The following ITM2B variants were observed in gnomAD, a reference collection of about 807,000 sequenced individuals.
ITM2B encodes the protein integral membrane protein 2B.
ITM2B carries 11 observed loss-of-function variants against 27.8 expected under a neutral mutation model. That is an observed-to-expected ratio of 0.40 (90% CI 0.25 to 0.66). The LOEUF (loss-of-function observed/expected upper bound fraction) is 0.66, where lower values mean the gene tolerates loss of function less well. Among genes scored for constraint, ITM2B ranks in the 30% least tolerant of loss-of-function variants. The pLI is 0.43. For missense variants in ITM2B, 296 were observed against 328.9 expected, an observed-to-expected ratio of 0.90 and a Z score of 0.77; for synonymous variants, 114 against 114.3, an observed-to-expected ratio of 1.00 and a Z score of 0.02.
intron 3 of ITM2B, 21 bp from the exon 4 acceptor site, chr13:48,258,105 A>G: frequency 8.7e-7 from 1 of 1,144,232 alleles, no homozygotes; most frequent in Non-Finnish European, 1.3e-6. Context: ...CTGTAACTAC[A>G]CTGTATCTTT....
At chr13:48,242,811 T>C (rs981964632) in intron 1 of ITM2B, among the ~76,000 whole-genome samples, 1 of 152,184 alleles carries the variant, frequency 6.6e-6, no homozygotes, top group Non-Finnish European at 1.5e-5. Flanking sequence ...TTTTCTTTTA[T>C]GCTTTCAGCT....
At chr13:48,246,780 A>G (rs1951726547) in intron 1 of ITM2B, among the ~76,000 whole-genome samples, 1 of 152,188 alleles carries the variant, frequency 6.6e-6, no homozygotes, top group Non-Finnish European at 1.5e-5. Context: ...AGAGAAAAAA[A>G]AGATAAGAGA....
chr13:48,258,095 C>A, intron 3 of ITM2B, 31 bp from the exon 4 acceptor site: 2 of 1,045,494 alleles, frequency 1.9e-6, no homozygotes, highest in Non-Finnish European at 3.0e-6. Flanking sequence ...GCAAGTATTA[C>A]TGTAACTACA....
At chr13:48,252,987 C>T (rs1300465644) in intron 1 of ITM2B, among the ~76,000 whole-genome samples, 1 of 152,180 alleles carries the variant, frequency 6.6e-6, no homozygotes, top group Non-Finnish European at 1.5e-5. Context: ...TTATGAATGT[C>T]ATGACCCCAA....
chr13:48,235,388 TAA>T (rs1192696153), intron 1 of ITM2B, among the ~76,000 whole-genome samples: 3 of 152,222 alleles, frequency 2.0e-5, no homozygotes, highest in African/African-American at 7.2e-5. Context: ...CTACTGGGAC[TAA>T]AGAGTGAGGG....
intron 1 of ITM2B, among the ~76,000 whole-genome samples, chr13:48,247,094 G>T (rs900049205): frequency 1.2e-4 from 18 of 152,198 alleles, no homozygotes; most frequent in Admixed American, 1.3e-4. Context: ...CCAAAGTGCT[G>T]GGATTACAGG....
intron 2 of ITM2B, among the ~76,000 whole-genome samples, chr13:48,255,274 C>T (rs986464409): frequency 6.6e-5 from 10 of 151,688 alleles, no homozygotes; most frequent in Admixed American, 2.0e-4. Flanking sequence ...TGTGCGTGCG[C>T]GCACGTGTAC....
intron 2 of ITM2B, among the ~76,000 whole-genome samples, chr13:48,254,402 T>TC (rs1441522789): frequency 6.6e-6 from 1 of 152,206 alleles, no homozygotes; most frequent in Non-Finnish European, 1.5e-5. Context: ...AGTCATGGTT[T>TC]CACTAAAGAA....
At chr13:48,257,796 C>A (rs921672674) in intron 3 of ITM2B, among the ~76,000 whole-genome samples, 10 of 152,112 alleles carry the variant, frequency 6.6e-5, no homozygotes, top group African/African-American at 2.4e-4. Flanking sequence ...AAACAATGGA[C>A]AGATAACCTT....
rs1356125051 is a variant in ITM2B at position 48,264,271 on chromosome 13, T to C, written c.*3047T>C. 2 of 152,168 alleles carry C rather than the reference T, an allele frequency of 1.3e-5. No individual in the cohort carries two copies. Among genetic ancestry groups the C allele is most frequent in the Non-Finnish European group, 2.9e-5 (2 of 68,020 alleles). The allele number at this position is 152,168 out of a possible 1,614,324, so 9.4% of individuals were successfully genotyped here. A position where few individuals can be genotyped will look rare whatever the true frequency, so the allele number is the denominator to read the frequency against. On this transcript the variant is annotated 3_prime_UTR_variant, in exon 6 of 6. Coordinates refer to ENST00000647800, the MANE Select transcript of ITM2B (RefSeq NM_021999.5). ...AGCAAACACTGATCTTGTTTTGTAA[T>C]GTGTAATTGTTCACTTCTGCTTTCC...
chr13:48,248,678 AAATACACTAAC>A (rs1409770253), intron 1 of ITM2B, among the ~76,000 whole-genome samples: 1 of 152,214 alleles, frequency 6.6e-6, no homozygotes, highest in Non-Finnish European at 1.5e-5. Context: ...GCCACACATA[AAATACACTAAC>A]AATAGTTGAT....
rs11556905 is a variant in ITM2B, at chr13:48,233,403, G to A, written c.43G>A (p.Ala15Thr). 1 of 1,563,690 alleles carries A rather than the reference G, an allele frequency of 6.4e-7. No individual in the cohort carries two copies. Among genetic ancestry groups the A allele is most frequent in the Non-Finnish European group, 8.6e-7 (1 of 1,157,210 alleles). The change falls in exon 1 of 6, where the codon GCC becomes ACC. Residue 15 changes from alanine (A) to threonine (T), a missense_variant. Transcript: ENST00000647800. ...CAACTCCGCTCTGGCCCAGAAGGAGGCCAAGAAGGACGAGCCCAAGAGCGG... is the reference window on the plus strand; with the variant it reads ...CAACTCCGCTCTGGCCCAGAAGGAGACCAAGAAGGACGAGCCCAAGAGCGG... ...TFNSALAQKE[A>T]KKDEPKSGEE...
At chr13:48,255,396 A>G (rs907860632) in intron 2 of ITM2B, among the ~76,000 whole-genome samples, 2 of 151,984 alleles carry the variant, frequency 1.3e-5, no homozygotes, top group African/African-American at 2.4e-5. Flanking sequence ...GGCTCAGGCA[A>G]TCCTCCCGCC....
rs1391948509 is a variant in ITM2B at position 48,267,699 on chromosome 13, G to A, written c.*6475G>A. Reference sequence around the variant, plus strand: ...TCTTATCTAAGTATTTTAAAATTTAGTGTTAGGAAAATTTTTTTCACATAG... The same window carrying A: ...TCTTATCTAAGTATTTTAAAATTTAATGTTAGGAAAATTTTTTTCACATAG... On this transcript the variant is annotated 3_prime_UTR_variant, in exon 6 of 6. Coordinates refer to ENST00000647800, the MANE Select transcript of ITM2B (RefSeq NM_021999.5). 2 of 152,104 alleles carry A rather than the reference G, an allele frequency of 1.3e-5. No homozygotes were observed. The highest frequency in any genetic ancestry group is 4.8e-5 in the African/African-American group (2 of 41,396). 9.4% of individuals were successfully genotyped at this position (152,104 alleles called of 1,614,324 possible).
At chr13:48,235,592 T>C (rs1405731794) in intron 1 of ITM2B, among the ~76,000 whole-genome samples, 1 of 152,228 alleles carries the variant, frequency 6.6e-6, no homozygotes, top group African/African-American at 2.4e-5. Context: ...GACAGACTTT[T>C]GTGAAAGAAG....
At chr13:48,251,601 T>C (rs886176485) in intron 1 of ITM2B, among the ~76,000 whole-genome samples, 9 of 152,214 alleles carry the variant, frequency 5.9e-5, no homozygotes, top group East Asian at 1.9e-4. Flanking sequence ...AATTTGCCAG[T>C]TGGGGCTGCG....
chr13:48,260,836 A>G (rs1008517945), intron 5 of ITM2B, among the ~76,000 whole-genome samples: 17 of 152,146 alleles, frequency 1.1e-4, no homozygotes, highest in African/African-American at 3.9e-4. Context: ...ACAAAGATAC[A>G]CAAGGTCTTG....
chr13:48,234,519 T>C (rs1566156770), intron 1 of ITM2B, among the ~76,000 whole-genome samples: 1 of 152,146 alleles, frequency 6.6e-6, no homozygotes, highest in African/African-American at 2.4e-5. Flanking sequence ...TTAAAAAAAT[T>C]GGTGTGCCAC....
At chr13:48,246,025 G>A (rs1013654716) in intron 1 of ITM2B, among the ~76,000 whole-genome samples, 5 of 152,086 alleles carry the variant, frequency 3.3e-5, no homozygotes, top group African/African-American at 1.2e-4. Context: ...TGATCCACCC[G>A]CTTCAGCCTC....
Sources: allele counts gnomAD v4.1 joint callset (sites outside exome capture counted in the v4.1 genomes callset), GRCh38; gene constraint gnomAD v4.1.1; transcripts MANE v1.5; gene names NCBI Gene and HGNC (gene_info 2026-07-23, HGNC 2026-07-21).